Variants in COL5A2 observed in about 807,000 individuals in gnomAD.
COL5A2 encodes the protein collagen type V alpha 2 chain, also known as collagen alpha-2(V) chain.
In COL5A2, 23 loss-of-function variants were observed where a neutral mutation model predicts 208.2. The observed-to-expected ratio is 0.11, with a 90% confidence interval of 0.08 to 0.16. The LOEUF (loss-of-function observed/expected upper bound fraction) is 0.16, where lower values mean the gene tolerates loss of function less well. Among genes scored for constraint, COL5A2 ranks in the 10% least tolerant of loss-of-function variants. The pLI, the probability that COL5A2 is intolerant of heterozygous loss-of-function variation, is 1.00. For synonymous variants in COL5A2, 625 were observed against 628.5 expected (o/e 0.99, Z 0.08); for missense variants, 1,590 against 1,956.4 (o/e 0.81, Z 3.53).
At chr2:189,394,494 T>A in the COL5A2 span, among the ~76,000 whole-genome samples, 1 of 152,168 alleles carries the variant, frequency 6.6e-6, no homozygotes, top group Non-Finnish European at 1.5e-5. Flanking sequence ...GCCCACTTCC[T>A]CTCTCTGCTC....
chr2:189,139,280 A>G (rs1168820805), intron 1 of COL5A2, among the ~76,000 whole-genome samples: 1 of 152,206 alleles, frequency 6.6e-6, no homozygotes, highest in African/African-American at 2.4e-5. Flanking sequence ...CCTCTCAAAA[A>G]TAAATAAATT....
At chr2:189,044,849 C>G (rs1685630120) in intron 47 of COL5A2, among the ~76,000 whole-genome samples, 2 of 152,000 alleles carry the variant, frequency 1.3e-5, no homozygotes, top group South Asian at 4.1e-4. Flanking sequence ...TTACAGAGAG[C>G]TTTCAAATCC....
chr2:189,419,240 C>T, the COL5A2 span, among the ~76,000 whole-genome samples: 1 of 152,150 alleles, frequency 6.6e-6, no homozygotes, highest in African/African-American at 2.4e-5. Flanking sequence ...GAATTTATCT[C>T]CTAGTCTACC....
chr2:189,440,505 C>A, the COL5A2 span, among the ~76,000 whole-genome samples: 1 of 152,184 alleles, frequency 6.6e-6, no homozygotes, highest in Non-Finnish European at 1.5e-5. Context: ...AGTAAAAACA[C>A]AGTATTATAA....
chr2:189,352,134 C>G, the COL5A2 span, among the ~76,000 whole-genome samples: 1 of 152,154 alleles, frequency 6.6e-6, no homozygotes, highest in Non-Finnish European at 1.5e-5. Flanking sequence ...ATGAAGTCAT[C>G]CTTTTTTCAG....
the COL5A2 span, among the ~76,000 whole-genome samples, chr2:189,333,350 T>C: frequency 6.6e-6 from 1 of 152,110 alleles, no homozygotes; most frequent in Admixed American, 6.6e-5. Context: ...AAGTATAAAT[T>C]ACTAATATAA....
chr2:189,053,963 T>G lies in COL5A2; in HGVS notation c.2446-15A>C, dbSNP rs1271669009. ...CCAGGTTCACCCTAGAAAGCAGATT[T>G]TAGATGGTTACTGTCCAAAACAGTA... On this transcript the variant is annotated splice_polypyrimidine_tract_variant and intron_variant, in intron 36 of 53. Coordinates refer to ENST00000374866, the MANE Select transcript of COL5A2 (RefSeq NM_000393.5). 6.2e-7 allele frequency: 1 copy of G among 1,613,076 alleles called. No homozygotes were observed. Among genetic ancestry groups the G allele is most frequent in the Admixed American group, 1.7e-5 (1 of 59,948 alleles).
At chr2:189,105,765 T>C (rs1014626161) in intron 2 of COL5A2, among the ~76,000 whole-genome samples, 3 of 151,536 alleles carry the variant, frequency 2.0e-5, no homozygotes, top group African/African-American at 7.2e-5. Context: ...TATGTTATCT[T>C]TGAAATCATT....
At chr2:189,312,963 G>A in the COL5A2 span, among the ~76,000 whole-genome samples, 2 of 152,054 alleles carry the variant, frequency 1.3e-5, no homozygotes, top group East Asian at 3.9e-4. Flanking sequence ...CAAGAACGCT[G>A]ATAAAACATT....
chr2:189,048,055 G>T (rs1685706045), intron 45 of COL5A2, among the ~76,000 whole-genome samples, 154 bp downstream of exon 45: 1 of 152,036 alleles, frequency 6.6e-6, no homozygotes, highest in African/African-American at 2.4e-5. Context: ...TCATTTACAA[G>T]ATATAAAAAT....
the COL5A2 span, among the ~76,000 whole-genome samples, chr2:189,232,267 C>A: frequency 6.6e-5 from 10 of 151,688 alleles, no homozygotes; most frequent in Non-Finnish European, 4.4e-5. Flanking sequence ...TCTAATTTCC[C>A]AGGTGGGTAA....
At chr2:189,351,029 A>C in the COL5A2 span, among the ~76,000 whole-genome samples, 1 of 152,190 alleles carries the variant, frequency 6.6e-6, no homozygotes, top group Admixed American at 6.6e-5. Context: ...CTGCACTGCC[A>C]CAGGATGGGA....
intron 50 of COL5A2, among the ~76,000 whole-genome samples, chr2:189,039,886 A>G (rs13432580): frequency 0.096 from 14,545 of 152,216 alleles, 729 homozygotes; most frequent in South Asian, 0.15. Context: ...GCAGATATGT[A>G]TGTTCATTTG....
At chr2:189,438,620 A>G in the COL5A2 span, among the ~76,000 whole-genome samples, 1 of 152,312 alleles carries the variant, frequency 6.6e-6, no homozygotes, top group Non-Finnish European at 1.5e-5. Flanking sequence ...GCTTTCTGGA[A>G]AAGGCAAAAC....
At chr2:189,149,739 T>C (rs1282196134) in intron 1 of COL5A2, among the ~76,000 whole-genome samples, 1 of 152,208 alleles carries the variant, frequency 6.6e-6, no homozygotes, top group Non-Finnish European at 1.5e-5. Flanking sequence ...TGCATTTTCC[T>C]AAGTGTTTAG....
chr2:189,208,099 C>T (rs1032398935), intron 1 of COL5A2, among the ~76,000 whole-genome samples: 2 of 152,292 alleles, frequency 1.3e-5, no homozygotes, highest in African/African-American at 2.4e-5. Flanking sequence ...ATCCTCTCAA[C>T]TCCCCTCTTA....
intron 1 of COL5A2, among the ~76,000 whole-genome samples, chr2:189,176,965 C>A (rs1688689888): frequency 1.3e-5 from 2 of 152,116 alleles, no homozygotes; most frequent in Non-Finnish European, 1.5e-5. Flanking sequence ...GCTTAAAATG[C>A]CTAAAACTTT....
chr2:189,379,498 C>A, the COL5A2 span, among the ~76,000 whole-genome samples: 1 of 152,056 alleles, frequency 6.6e-6, no homozygotes, highest in African/African-American at 2.4e-5. Context: ...TTATCAAAGG[C>A]CACAGAGAGG....
the COL5A2 span, among the ~76,000 whole-genome samples, chr2:189,266,190 G>T: frequency 6.6e-6 from 1 of 152,134 alleles, no homozygotes; most frequent in Non-Finnish European, 1.5e-5. Context: ...CACTTTGGTA[G>T]GCAGAGATGG....
Sources: gnomAD v4.1 joint callset for allele counts (sites outside exome capture counted in the v4.1 genomes callset) on GRCh38, gnomAD v4.1.1 for gene constraint, MANE v1.5 for transcripts, NCBI Gene and HGNC (gene_info 2026-07-23, HGNC 2026-07-21) for gene names.